The following GATAD2A variants were observed in gnomAD, a reference collection of about 807,000 sequenced individuals.
GATAD2A encodes the protein GATA zinc finger domain containing 2A, also known as transcriptional repressor p66-alpha.
A neutral mutation model predicts 68.5 loss-of-function variants in GATAD2A; 12 were observed. That is an observed-to-expected ratio of 0.18 (90% CI 0.11 to 0.28). The LOEUF is 0.28. Among genes scored for constraint, GATAD2A ranks in the 10% least tolerant of loss-of-function variants. The pLI is 1.00. For synonymous variants in GATAD2A, 410 were observed against 375.3 expected (o/e 1.09, Z -1.07); for missense variants, 755 against 868.5 (o/e 0.87, Z 1.64).
intron 1 of GATAD2A, among the ~76,000 whole-genome samples, chr19:19,393,969 C>T (rs1273673368): frequency 5.3e-5 from 8 of 152,030 alleles, no homozygotes; most frequent in Non-Finnish European, 1.2e-4. Context: ...TCACTGCAAC[C>T]TCCACCTCCT....
chr19:19,501,962 T>G lies in GATAD2A; in HGVS notation c.1504-7T>G. 6.2e-7 allele frequency: 1 copy of G among 1,613,162 alleles called. No homozygotes were observed. Among genetic ancestry groups the G allele is most frequent in the Non-Finnish European group, 8.5e-7 (1 of 1,179,196 alleles). The stretch of plus-strand genomic sequence containing the variant: ...ACTGACTTTGCTTTCAACCCCCGTT[T>G]GTGTAGGTCATAAAACCCCGGCGTA... On this transcript the variant is annotated splice_region_variant and splice_polypyrimidine_tract_variant and intron_variant, in intron 9 of 11. Transcript: ENST00000683918.
At chr19:19,437,977 T>A (rs939014332) in intron 1 of GATAD2A, among the ~76,000 whole-genome samples, 1 of 152,222 alleles carries the variant, frequency 6.6e-6, no homozygotes, top group African/African-American at 2.4e-5. Context: ...AACTTTCTGT[T>A]AATCTCTTTT....
At chr19:19,472,618 G>A (rs1220390260) in intron 2 of GATAD2A, 1 of 152,056 alleles carries the variant, frequency 6.6e-6, no homozygotes, top group African/African-American at 2.4e-5. Context: ...ACAAGTGTGA[G>A]CCACTGTACC....
chr19:19,463,573 G>A (rs1273366230), intron 1 of GATAD2A, among the ~76,000 whole-genome samples: 2 of 152,208 alleles, frequency 1.3e-5, no homozygotes, highest in African/African-American at 2.4e-5. Flanking sequence ...TGGGATAGGT[G>A]GTAGGTGCAG....
chr19:19,462,944 C>T (rs2057567353), intron 1 of GATAD2A, among the ~76,000 whole-genome samples: 1 of 152,106 alleles, frequency 6.6e-6, no homozygotes, highest in South Asian at 2.1e-4. Context: ...CTGGCTGGAA[C>T]AGGGGCAGAG....
chr19:19,464,033 C>T (rs1478816345), intron 1 of GATAD2A, among the ~76,000 whole-genome samples: 1 of 152,216 alleles, frequency 6.6e-6, no homozygotes, highest in Non-Finnish European at 1.5e-5. Flanking sequence ...CGACAGGACC[C>T]CTGTGTTGCC....
intron 1 of GATAD2A, among the ~76,000 whole-genome samples, chr19:19,400,039 T>G (rs1307696088): frequency 1.3e-5 from 2 of 152,080 alleles, no homozygotes; most frequent in Non-Finnish European, 2.9e-5. Flanking sequence ...TTTTTTAATC[T>G]TTAATTCATA....
chr19:19,473,152 A>C (rs2058434965), intron 2 of GATAD2A, among the ~76,000 whole-genome samples: 1 of 152,160 alleles, frequency 6.6e-6, no homozygotes, highest in Non-Finnish European at 1.5e-5. Flanking sequence ...GCGTTCAGGC[A>C]GCTCTTGTGT....
At chr19:19,463,989 G>T (rs1568309200) in intron 1 of GATAD2A, among the ~76,000 whole-genome samples, 2 of 152,254 alleles carry the variant, frequency 1.3e-5, no homozygotes, top group Non-Finnish European at 2.9e-5. Flanking sequence ...GGAAGCTGCA[G>T]ATGAGTCAGC....
intron 1 of GATAD2A, among the ~76,000 whole-genome samples, chr19:19,406,941 C>T (rs989577188): frequency 6.6e-6 from 1 of 152,196 alleles, no homozygotes; most frequent in African/African-American, 2.4e-5. Context: ...TCTGACTTAA[C>T]GTCTTTAGGT....
At chr19:19,431,948 T>TG (rs1175444673) in intron 1 of GATAD2A, among the ~76,000 whole-genome samples, 1 of 151,854 alleles carries the variant, frequency 6.6e-6, no homozygotes, top group Non-Finnish European at 1.5e-5. Context: ...GCAGGGGTGG[T>TG]GGGGGATCAC....
At chr19:19,420,886 C>T (rs547025494) in intron 1 of GATAD2A, among the ~76,000 whole-genome samples, 2 of 152,326 alleles carry the variant, frequency 1.3e-5, no homozygotes, top group African/African-American at 4.8e-5. Context: ...GGCACATTGC[C>T]TGGCACCAAA....
rs866215404 is a variant in GATAD2A at position 19,482,261 on chromosome 19, A to G, written c.270-10045A>G. ...TCTACTAAAAATACAAAAATTAGCCAGGTGTGGTAGTGGGCGCCTGTAGTC... is the reference window on the plus strand; with the variant it reads ...TCTACTAAAAATACAAAAATTAGCCGGGTGTGGTAGTGGGCGCCTGTAGTC... On this transcript the variant is annotated intron_variant, in intron 2 of 11. Coordinates refer to ENST00000683918, the MANE Select transcript of GATAD2A (RefSeq NM_001384528.1). Among the ~76,000 whole-genome samples the G allele has an allele frequency of 5.3e-5, 8 of 151,710 alleles. 1 individual carries two copies. The South Asian group carries it at 1.7e-3, about 32-fold the overall frequency.
intron 1 of GATAD2A, among the ~76,000 whole-genome samples, chr19:19,458,944 G>T (rs2057181498): frequency 6.6e-6 from 1 of 152,122 alleles, no homozygotes; most frequent in African/African-American, 2.4e-5. Flanking sequence ...GCCTGGATGA[G>T]GTACTGTCTT....
At chr19:19,477,668 G>A (rs2058765464) in intron 2 of GATAD2A, among the ~76,000 whole-genome samples, 1 of 152,182 alleles carries the variant, frequency 6.6e-6, no homozygotes, top group South Asian at 2.1e-4. Context: ...AGTTGGGACT[G>A]GGCCTTGGGT....
chr19:19,457,389 A>G (rs1295450197), intron 1 of GATAD2A, among the ~76,000 whole-genome samples: 1 of 152,090 alleles, frequency 6.6e-6, no homozygotes, highest in East Asian at 1.9e-4. Flanking sequence ...CCTCACATGT[A>G]TGCAGCTCTC....
chr19:19,444,872 TA>T (rs10641522), intron 1 of GATAD2A, among the ~76,000 whole-genome samples: 57 of 123,136 alleles, frequency 4.6e-4, no homozygotes, highest in Admixed American at 6.0e-4. Context: ...CCTCGTCCCT[TA>T]AAAAAAAAAA....
At chr19:19,417,815 T>C (rs530747840) in intron 1 of GATAD2A, among the ~76,000 whole-genome samples, 2 of 151,982 alleles carry the variant, frequency 1.3e-5, no homozygotes, top group East Asian at 3.9e-4. Flanking sequence ...TGCAGGAAGA[T>C]TGGGTAGGGA....
upstream of GATAD2A, chr19:19,402,123 A>G (rs886382837): frequency 5.3e-5 from 8 of 152,110 alleles, no homozygotes; most frequent in Non-Finnish European, 1.2e-4. Flanking sequence ...CAGTGGCACA[A>G]TCATGGTTCA....
Sources: gnomAD v4.1 joint callset for allele counts (sites outside exome capture counted in the v4.1 genomes callset) on GRCh38, gnomAD v4.1.1 for gene constraint, MANE v1.5 for transcripts, NCBI Gene and HGNC (gene_info 2026-07-23, HGNC 2026-07-21) for gene names.